Variants in SYT2 observed in about 807,000 individuals in gnomAD.
The protein encoded by SYT2 is synaptotagmin 2.
A neutral mutation model predicts 39.9 loss-of-function variants in SYT2; 15 were observed. The ratio of observed to expected loss-of-function variants is 0.38; its 90% CI spans 0.25 to 0.58. SYT2 has a LOEUF of 0.58. Ranked by LOEUF, SYT2 falls within the 20% of genes least tolerant of loss-of-function variation. The pLI, the probability that SYT2 is intolerant of heterozygous loss-of-function variation, is 0.70. For synonymous variants in SYT2, 181 were observed against 204.5 expected (o/e 0.89, Z 0.98); for missense variants, 389 against 530.3 (o/e 0.73, Z 2.62).
At chr1:202,638,206 T>C (rs1195247930) in intron 1 of SYT2, among the ~76,000 whole-genome samples, 1 of 152,214 alleles carries the variant, frequency 6.6e-6, no homozygotes, top group East Asian at 1.9e-4. Context: ...GGTTCAAGAA[T>C]TCCATTCCAG....
chr1:202,629,868 G>GGGC, intron 1 of SYT2, among the ~76,000 whole-genome samples: 1 of 28,802 alleles, frequency 3.5e-5, no homozygotes, highest in Admixed American at 4.2e-4. Context: ...GGCAGCTGGT[G>GGGC]GGGGGGGGGG....
chr1:202,652,719 G>A (rs948153069), intron 1 of SYT2, among the ~76,000 whole-genome samples: 2 of 152,202 alleles, frequency 1.3e-5, no homozygotes, highest in African/African-American at 4.8e-5. Flanking sequence ...GTAGCCAAGG[G>A]TGAGAGGACT....
At chr1:202,698,224 G>T (rs1398921266) in intron 1 of SYT2, among the ~76,000 whole-genome samples, 2 of 152,094 alleles carry the variant, frequency 1.3e-5, no homozygotes, top group Non-Finnish European at 2.9e-5. Flanking sequence ...TCTAAAATGG[G>T]TGCTAGAAGC....
intron 1 of SYT2, chr1:202,643,358 C>T (rs1412694683): frequency 1.3e-5 from 2 of 152,888 alleles, no homozygotes; most frequent in Admixed American, 6.5e-5. Context: ...GCTGGGGTCC[C>T]GAAGTCCAGG....
chr1:202,617,280 G>A (rs1266327829), intron 1 of SYT2, among the ~76,000 whole-genome samples: 1 of 152,168 alleles, frequency 6.6e-6, no homozygotes, highest in Non-Finnish European at 1.5e-5. Context: ...TGTTGGAGGT[G>A]GGGCCTGGTG....
intron 1 of SYT2, among the ~76,000 whole-genome samples, chr1:202,687,139 G>A (rs1653688570): frequency 6.6e-6 from 1 of 152,140 alleles, no homozygotes; most frequent in Non-Finnish European, 1.5e-5. Context: ...CCCTCCCAGT[G>A]TGTACTCCAC....
At chr1:202,613,149 C>T (rs564635674) in intron 1 of SYT2, among the ~76,000 whole-genome samples, 15 of 140,438 alleles carry the variant, frequency 1.1e-4, no homozygotes, top group African/African-American at 3.4e-4. Context: ...GGTGCAATCT[C>T]GGCTCACTGC....
chr1:202,644,306 C>A lies in SYT2; in HGVS notation c.-17-38517G>T, dbSNP rs796461789. On this transcript the variant is annotated intron_variant, in intron 1 of 8. Transcript: ENST00000367268. ...GGAACCCAGCAGAAGGGCTCTGCCA[C>A]GGACCCGACACCTCCCACCTCCACA... Among the ~76,000 whole-genome samples, 14 of 152,028 alleles carry A rather than the reference C, an allele frequency of 9.2e-5. 1 individual carries two copies. The highest frequency in any genetic ancestry group is 3.1e-4 in the African/African-American group (13 of 41,456).
At chr1:202,679,318 C>T (rs377379570) in intron 1 of SYT2, among the ~76,000 whole-genome samples, 2 of 152,300 alleles carry the variant, frequency 1.3e-5, no homozygotes, top group East Asian at 1.9e-4. Context: ...GCCCTCCCCC[C>T]ACCAATTGCA....
At chr1:202,617,669 C>G (rs1268833207) in intron 1 of SYT2, among the ~76,000 whole-genome samples, 1 of 152,140 alleles carries the variant, frequency 6.6e-6, no homozygotes, top group Non-Finnish European at 1.5e-5. Flanking sequence ...ACCCATGGCT[C>G]CCTCCTCCCC....
At chr1:202,688,455 C>G (rs573257608) in intron 1 of SYT2, among the ~76,000 whole-genome samples, 1 of 152,244 alleles carries the variant, frequency 6.6e-6, no homozygotes, top group Non-Finnish European at 1.5e-5. Context: ...GTTCCCCCTG[C>G]AAGGATACTC....
At chr1:202,630,379 G>A (rs1361600990) in intron 1 of SYT2, 51 of 985,308 alleles carry the variant, frequency 5.2e-5, no homozygotes, top group Non-Finnish European at 6.1e-5. Flanking sequence ...ATCGCCAACC[G>A]GCTTTCCCAT....
At chr1:202,609,200 C>T (rs970313407) in intron 1 of SYT2, among the ~76,000 whole-genome samples, 1 of 151,900 alleles carries the variant, frequency 6.6e-6, no homozygotes, top group African/African-American at 2.4e-5. Flanking sequence ...CTACAAAGGA[C>T]ATGAACTCAT....
At chr1:202,687,747 C>T (rs1481834651) in intron 1 of SYT2, among the ~76,000 whole-genome samples, 1 of 151,662 alleles carries the variant, frequency 6.6e-6, no homozygotes, top group African/African-American at 2.4e-5. Flanking sequence ...CGGCTCAGAC[C>T]GGGGGGATCA....
At chr1:202,680,606 G>A (rs1029151520) in intron 1 of SYT2, among the ~76,000 whole-genome samples, 3 of 152,292 alleles carry the variant, frequency 2.0e-5, no homozygotes, top group Admixed American at 6.5e-5. Flanking sequence ...GGAATGAGAA[G>A]GTGCCCAAGG....
At chr1:202,709,312 A>G (rs1012388676) in intron 1 of SYT2, among the ~76,000 whole-genome samples, 3 of 151,998 alleles carry the variant, frequency 2.0e-5, no homozygotes, top group Admixed American at 6.5e-5. Context: ...GAGACACCCC[A>G]CGAGCCATGG....
intron 1 of SYT2, among the ~76,000 whole-genome samples, chr1:202,606,106 TA>T: frequency 6.6e-6 from 1 of 151,796 alleles, no homozygotes; most frequent in East Asian, 1.9e-4. Context: ...TTCTGTCTCT[TA>T]AAAAAAATAG....
At chr1:202,618,480 T>C (rs1487030144) in intron 1 of SYT2, among the ~76,000 whole-genome samples, 17 of 151,974 alleles carry the variant, frequency 1.1e-4, no homozygotes, top group Admixed American at 1.1e-3. Flanking sequence ...TGCACACAGC[T>C]TTGGGAACTG....
In SYT2 at chr1:202,601,832, T is replaced by G; in HGVS notation, c.801+58A>C. 6.4e-7 allele frequency: 1 copy of G among 1,562,954 alleles called. No individual in the cohort carries two copies. Among genetic ancestry groups the G allele is most frequent in the South Asian group, 1.2e-5 (1 of 84,372 alleles). On this transcript the variant is annotated intron_variant, in intron 6 of 8. Coordinates refer to ENST00000367268, the MANE Select transcript of SYT2 (RefSeq NM_177402.5). The surrounding 1 kb of genome is among the most constrained non-coding windows in gnomAD (Gnocchi z 4.0). ...ACCCTGTTTCCATCATGCCAAGAGG[T>G]GGAAGCCCACCTGTACATTCGTCTT...
Sources: gnomAD v4.1 joint callset for allele counts (sites outside exome capture counted in the v4.1 genomes callset) on GRCh38, gnomAD v4.1.1 for gene constraint, Gnocchi (gnomAD v3.1) non-coding constraint, MANE v1.5 for transcripts, NCBI Gene and HGNC (gene_info 2026-07-23, HGNC 2026-07-21) for gene names.